PGAP1: variants seen among roughly 807,000 people sequenced by gnomAD.
PGAP1 encodes post-GPI attachment to proteins inositol deacylase 1, also known as GPI inositol-deacylase.
A neutral mutation model predicts 127.0 loss-of-function variants in PGAP1; 76 were observed. That is an observed-to-expected ratio of 0.60 (90% CI 0.50 to 0.72). PGAP1 has a LOEUF of 0.72. Among genes scored for constraint, PGAP1 ranks in the 30% least tolerant of loss-of-function variants. The probability of loss-of-function intolerance (pLI) is 0.00; values close to 1 mark genes in which losing one functional copy is unlikely to be tolerated. For synonymous variants in PGAP1, 362 were observed against 366.5 expected (o/e 0.99, Z 0.14); for missense variants, 982 against 1,071.3 (o/e 0.92, Z 1.16).
At chr2:196,851,498 T>C (rs1486894687) in intron 20 of PGAP1, among the ~76,000 whole-genome samples, 1 of 152,188 alleles carries the variant, frequency 6.6e-6, no homozygotes, top group Non-Finnish European at 1.5e-5. Flanking sequence ...TGCAAACAAT[T>C]TACTATGACC....
intron 5 of PGAP1, among the ~76,000 whole-genome samples, chr2:196,900,899 C>T (rs1431600720): frequency 6.6e-6 from 1 of 152,030 alleles, no homozygotes; most frequent in African/African-American, 2.4e-5. Context: ...TGCACTCCAG[C>T]CTGGGCTACA....
intron 13 of PGAP1, 89 bp from the exon 14 acceptor site, chr2:196,875,910 T>C (rs773185887): frequency 4.5e-6 from 3 of 667,796 alleles, no homozygotes; most frequent in Non-Finnish European, 7.8e-6. Flanking sequence ...AAAATAAAAG[T>C]CTATAAACCT....
chr2:196,848,089 A>G, intron 20 of PGAP1, 52 bp from the exon 21 acceptor site: 1 of 1,261,336 alleles, frequency 7.9e-7, no homozygotes, highest in Non-Finnish European at 1.1e-6. Context: ...AGTATGAGAT[A>G]TACTATATCC....
intron 20 of PGAP1, among the ~76,000 whole-genome samples, chr2:196,854,835 T>C (rs1700827752): frequency 6.6e-6 from 1 of 152,190 alleles, no homozygotes; most frequent in South Asian, 2.1e-4. Flanking sequence ...TGGAGAGCAG[T>C]GTTGCAACTG....
At position 196,846,012 on chromosome 2, in the gene PGAP1, G is replaced by C; in HGVS notation, c.2156C>G (p.Ser719Cys). 1 of 1,580,744 alleles carries C rather than the reference G, an allele frequency of 6.3e-7. No homozygotes were observed. The highest frequency in any genetic ancestry group is 8.6e-7 in the Non-Finnish European group (1 of 1,156,864). Reference sequence around the variant, plus strand: ...CATCTTGATATCTTTAGGAAGTTCAGAGGGTCTGGAATTATAAGAATAAAG... The same window carrying C: ...CATCTTGATATCTTTAGGAAGTTCACAGGGTCTGGAATTATAAGAATAAAG... Reference protein sequence around the residue: ...SSLWLALKRPSELPKDIKMIS... With the variant: ...SSLWLALKRPCELPKDIKMIS... Residue 719 changes from serine to cysteine, a missense_variant, in exon 23 of 27, where the codon TCT becomes TGT. By Grantham distance (112) the Ser-to-Cys change is moderately radical. Transcript: ENST00000354764.
intron 20 of PGAP1, among the ~76,000 whole-genome samples, chr2:196,859,280 T>C (rs377196300): frequency 2.0e-5 from 3 of 152,080 alleles, no homozygotes; most frequent in Middle Eastern, 3.2e-3. Flanking sequence ...TGAGCCGAGA[T>C]TGCACTACTG....
At chr2:196,851,686 C>T (rs1216276788) in intron 20 of PGAP1, among the ~76,000 whole-genome samples, 1 of 152,024 alleles carries the variant, frequency 6.6e-6, no homozygotes, top group Admixed American at 6.6e-5. Context: ...CATATGAGCC[C>T]CTGGAGCTCT....
At chr2:196,899,632 A>T (rs944858188) in intron 5 of PGAP1, among the ~76,000 whole-genome samples, 1 of 152,236 alleles carries the variant, frequency 6.6e-6, no homozygotes, top group African/African-American at 2.4e-5. Context: ...ACAAATCAAA[A>T]AGTCAGTTGC....
Position 196,851,890 on chromosome 2 carries a change from G to A in PGAP1, c.1862-3853C>T, listed in dbSNP as rs1342820095. Among the ~76,000 whole-genome samples the A allele has an allele frequency of 3.9e-5, 6 of 152,090 alleles. No individual in the cohort carries two copies. In the South Asian group the frequency reaches 1.0e-3, roughly 26 times the overall value. On this transcript the variant is annotated intron_variant, in intron 20 of 26. Transcript: ENST00000354764. ...AAATGTCTTTGTGGTTTGAGGACCCGAGTTTCTACGGAATTTACATTCTGT... is the reference window on the plus strand; with the variant it reads ...AAATGTCTTTGTGGTTTGAGGACCCAAGTTTCTACGGAATTTACATTCTGT...
In PGAP1 at chr2:196,845,771, A is replaced by C. The variant is rs563359902; in HGVS notation, c.2286+111T>G. On this transcript the variant is annotated intron_variant, in intron 23 of 26. Transcript: ENST00000354764. ...TACATTCAAACCCGTTATGTAACAG[A>C]GGGTTACTACAGTGTTTATGAGAAT... 3 of 751,444 alleles carry C rather than the reference A, an allele frequency of 4.0e-6. No homozygotes were observed. The South Asian group carries it at 1.3e-4, about 34-fold the overall frequency. 46.5% of individuals were successfully genotyped at this position (751,444 alleles called of 1,614,324 possible).
intron 20 of PGAP1, among the ~76,000 whole-genome samples, chr2:196,858,841 C>A (rs1234102106): frequency 6.6e-6 from 1 of 151,918 alleles, no homozygotes; most frequent in Admixed American, 6.6e-5. Flanking sequence ...AGAGAAGATG[C>A]AAATAAAATC....
chr2:196,833,921 A>G lies in PGAP1; in HGVS notation c.*7313T>C, dbSNP rs1395774414. ...CCCGTTTTCTCTTGAAGCCTTAAAA[A>G]TATATAGGAAGAAAAAAGAGAAGGA... On this transcript the variant is annotated 3_prime_UTR_variant, in exon 27 of 27. Transcript: ENST00000354764. 1 of 151,984 alleles carries G rather than the reference A, an allele frequency of 6.6e-6. No individual in the cohort carries two copies. The highest frequency in any genetic ancestry group is 1.9e-4 in the East Asian group (1 of 5,200). The allele number at this position is 151,984 out of a possible 1,614,324, so 9.4% of individuals were successfully genotyped here. A position where few individuals can be genotyped will look rare whatever the true frequency, so the allele number is the denominator to read the frequency against.
chr2:196,862,432 C>CGGTCTTGT (rs1701099974), intron 20 of PGAP1, among the ~76,000 whole-genome samples: 1 of 152,110 alleles, frequency 6.6e-6, no homozygotes, highest in African/African-American at 2.4e-5. Flanking sequence ...AATTTCGCCC[C>CGGTCTTGT]GGTCCTGTGG....
At chr2:196,896,306 C>T (rs977658882) in intron 7 of PGAP1, among the ~76,000 whole-genome samples, 6 of 152,108 alleles carry the variant, frequency 3.9e-5, no homozygotes, top group Non-Finnish European at 5.9e-5. Context: ...ATAAATTACA[C>T]ATTTCGATCT....
intron 1 of PGAP1, among the ~76,000 whole-genome samples, chr2:196,924,019 G>C (rs1433312960): frequency 2.0e-5 from 3 of 152,240 alleles, no homozygotes; most frequent in Admixed American, 1.3e-4. Context: ...GTAGGCTTGA[G>C]ATATGGGTTC....
intron 19 of PGAP1, among the ~76,000 whole-genome samples, chr2:196,870,191 T>C (rs1409006940): frequency 6.6e-6 from 1 of 152,186 alleles, no homozygotes; most frequent in Non-Finnish European, 1.5e-5. Context: ...ATGCACAATA[T>C]AAAAAGTTAT....
chr2:196,885,041 C>T (rs1337453503), intron 12 of PGAP1, among the ~76,000 whole-genome samples: 2 of 152,096 alleles, frequency 1.3e-5, no homozygotes, highest in East Asian at 1.9e-4. Context: ...TGTCCACTTC[C>T]CAACTGCAGG....
chr2:196,868,401 T>A (rs1467210016), intron 19 of PGAP1, among the ~76,000 whole-genome samples: 1 of 146,074 alleles, frequency 6.8e-6, no homozygotes, highest in Non-Finnish European at 1.5e-5. Flanking sequence ...CAGATACAGC[T>A]GGGTATATAA....
At position 196,865,086 on chromosome 2, in the gene PGAP1, A is replaced by C; in HGVS notation, c.1768-6T>G. The C allele has an allele frequency of 6.6e-7, 1 of 1,514,286 alleles. No homozygotes were observed. The highest frequency in any genetic ancestry group is 8.9e-7 in the Non-Finnish European group (1 of 1,125,850). 93.8% of individuals were successfully genotyped at this position (1,514,286 alleles called of 1,614,324 possible). The stretch of plus-strand genomic sequence containing the variant: ...CCACCATGAAATCTAACTACCTAAA[A>C]AACAGGTAAGTCAATGGGCAACTCC... On this transcript the variant is annotated splice_region_variant and splice_polypyrimidine_tract_variant and intron_variant, in intron 19 of 26. Coordinates refer to ENST00000354764, the MANE Select transcript of PGAP1 (RefSeq NM_024989.4).
Sources: allele counts gnomAD v4.1 joint callset (sites outside exome capture counted in the v4.1 genomes callset), GRCh38; gene constraint gnomAD v4.1.1; transcripts MANE v1.5; gene names NCBI Gene and HGNC (gene_info 2026-07-23, HGNC 2026-07-21).